Variants in FBXW2 observed in about 807,000 individuals in gnomAD.
FBXW2 encodes the protein F-box and WD repeat domain containing 2.
In FBXW2, 12 loss-of-function variants were observed where a neutral mutation model predicts 46.0. The ratio of observed to expected loss-of-function variants is 0.26; its 90% CI spans 0.17 to 0.42. FBXW2 has a LOEUF of 0.42. FBXW2 is among the 10% of genes least tolerant of loss of function. The pLI is 1.00. For synonymous variants in FBXW2, 203 were observed against 209.6 expected, an observed-to-expected ratio of 0.97 and a Z score of 0.27; for missense variants, 360 against 537.0, an observed-to-expected ratio of 0.67 and a Z score of 3.26.
intron 3 of FBXW2, among the ~76,000 whole-genome samples, 182 bp downstream of exon 3, chr9:120,787,587 T>C (rs1232496050): frequency 6.6e-6 from 1 of 152,084 alleles, no homozygotes; most frequent in East Asian, 1.9e-4. Context: ...ATAAAAATGA[T>C]TGTGTTCTCT....
chr9:120,786,937 C>T (rs1363838241), intron 3 of FBXW2, among the ~76,000 whole-genome samples: 1 of 152,182 alleles, frequency 6.6e-6, no homozygotes, highest in Non-Finnish European at 1.5e-5. Flanking sequence ...ATATCCAGCT[C>T]TCTCTGTTCC....
chr9:120,784,693 G>A (rs900915526), intron 3 of FBXW2, among the ~76,000 whole-genome samples: 1 of 151,936 alleles, frequency 6.6e-6, no homozygotes, highest in Non-Finnish European at 1.5e-5. Flanking sequence ...GCCGAGGCAG[G>A]CAGATCATCT....
intron 2 of FBXW2, among the ~76,000 whole-genome samples, chr9:120,788,751 G>A (rs1184586188): frequency 6.6e-6 from 1 of 152,160 alleles, no homozygotes; most frequent in Non-Finnish European, 1.5e-5. Context: ...ACAGTCTCCT[G>A]AGCAGTAACC....
At chr9:120,790,964 A>C (rs1448002845) in intron 2 of FBXW2, among the ~76,000 whole-genome samples, 1 of 152,070 alleles carries the variant, frequency 6.6e-6, no homozygotes, top group East Asian at 1.9e-4. Context: ...AATTTTCCCA[A>C]CTCTTAGATT....
rs548710888 is a variant in FBXW2, at chr9:120,788,550, A to T, written c.-20-272T>A. On this transcript the variant is annotated intron_variant, in intron 2 of 7. Transcript: ENST00000608872. ...TGGCGTGTGTGACTTATTCCTCTTG[A>T]AGTCTAGCACGTGCTACATGCATCT... 5.5e-3 allele frequency among the ~76,000 whole-genome samples: 841 copies of T among 152,354 alleles called. 11 individuals carry two copies. The highest frequency in any genetic ancestry group is 0.019 in the African/African-American group (793 of 41,570).
chr9:120,779,647 A>G (rs1439331212), intron 3 of FBXW2, among the ~76,000 whole-genome samples: 6 of 152,210 alleles, frequency 3.9e-5, no homozygotes, highest in Non-Finnish European at 8.8e-5. Context: ...ATGTGATACA[A>G]CTTTATCAAA....
chr9:120,788,524 C>A lies in FBXW2; in HGVS notation c.-20-246G>T, dbSNP rs1317517196. ...ATCCAAAACATGTCAGTGAAACAGA[C>A]TGGCGTGTGTGACTTATTCCTCTTG... On this transcript the variant is annotated intron_variant, in intron 2 of 7. Coordinates refer to ENST00000608872, the MANE Select transcript of FBXW2 (RefSeq NM_012164.4). Among the ~76,000 whole-genome samples, 3 of 152,238 alleles carry A rather than the reference C, an allele frequency of 2.0e-5. 1 individual carries two copies. In the South Asian group the frequency reaches 6.2e-4, roughly 31 times the overall value.
chr9:120,767,947 C>T (rs552618140), intron 7 of FBXW2, among the ~76,000 whole-genome samples: 1 of 152,322 alleles, frequency 6.6e-6, no homozygotes, highest in Admixed American at 6.5e-5. Flanking sequence ...TTCTACTGAC[C>T]TCCCCACATC....
At chr9:120,778,643 C>CCCTT in intron 3 of FBXW2, 98 bp from the exon 4 acceptor site, 1 of 1,014,214 alleles carries the variant, frequency 9.9e-7, no homozygotes, top group Non-Finnish European at 1.5e-6. Context: ...CATTAACGGT[C>CCCTT]CCTTCCTCTA....
rs1457568114 is a variant in FBXW2 at position 120,793,358 on chromosome 9, A to C, written c.-134T>G. ...GGCCCCGCCTCGCATACAGACCCGG[A>C]CCTGCGGCCGCTGCTCCCGGTCCGC... On this transcript the variant is annotated 5_prime_UTR_variant, in exon 1 of 8. Coordinates refer to ENST00000608872, the MANE Select transcript of FBXW2 (RefSeq NM_012164.4). 5.0e-6 allele frequency: 2 copies of C among 402,656 alleles called. No homozygotes were observed. Among genetic ancestry groups the C allele is most frequent in the Admixed American group, 4.4e-5 (1 of 22,804 alleles). The allele number at this position is 402,656 out of a possible 1,614,324, so 24.9% of individuals were successfully genotyped here. A position where few individuals can be genotyped will look rare whatever the true frequency, so the allele number is the denominator to read the frequency against.
chr9:120,781,675 C>CACACACACACAT (rs761941263), intron 3 of FBXW2, among the ~76,000 whole-genome samples: 31 of 146,332 alleles, frequency 2.1e-4, no homozygotes, highest in South Asian at 1.5e-3. Context: ...CACACACACA[C>CACACACACACAT]ATACACACAC....
At position 120,764,417 on chromosome 9, in the gene FBXW2, A is replaced by C; in HGVS notation, c.*142T>G. The C allele has an allele frequency of 1.0e-6, 1 of 997,356 alleles. No homozygotes were observed. The highest frequency in any genetic ancestry group is 1.5e-6 in the Non-Finnish European group (1 of 676,090). 61.8% of individuals were successfully genotyped at this position (997,356 alleles called of 1,614,324 possible). On this transcript the variant is annotated 3_prime_UTR_variant, in exon 8 of 8. Transcript: ENST00000608872. ...CCCACCCCGAGCCCTGGCCCCTGGC[A>C]AAACATAGATAAATGATTGTGCACT...
chr9:120,776,079 C>T lies in FBXW2; in HGVS notation c.819+14G>A. On this transcript the variant is annotated intron_variant, in intron 5 of 7. Transcript: ENST00000608872. ...AAGCCTGATAAGCAGGAGACTTCTTCCAAGTCTTCCTACCTTGGTGACCCA... is the reference window on the plus strand; with the variant it reads ...AAGCCTGATAAGCAGGAGACTTCTTTCAAGTCTTCCTACCTTGGTGACCCA... 6.2e-7 allele frequency: 1 copy of T among 1,612,944 alleles called. No homozygotes were observed. Among genetic ancestry groups the T allele is most frequent in the South Asian group, 1.1e-5 (1 of 90,932 alleles).
intron 7 of FBXW2, among the ~76,000 whole-genome samples, chr9:120,770,375 C>CAA (rs1196542430): frequency 0.015 from 969 of 64,532 alleles, 5 homozygotes; most frequent in East Asian, 0.03. Flanking sequence ...GACTCCATCT[C>CAA]AAAAAAAAAA....
At chr9:120,769,017 G>A (rs546294066) in intron 7 of FBXW2, among the ~76,000 whole-genome samples, 1 of 152,308 alleles carries the variant, frequency 6.6e-6, no homozygotes, top group South Asian at 2.1e-4. Flanking sequence ...TGACAGGTTT[G>A]TGGCTTTCAC....
At position 120,760,308 on chromosome 9, in the gene FBXW2, C is replaced by G. The variant is rs2044177612; in HGVS notation, c.*4251G>C. 1.3e-5 allele frequency: 2 copies of G among 152,284 alleles called. No individual in the cohort carries two copies. The highest frequency in any genetic ancestry group is 4.1e-4 in the South Asian group (2 of 4,828). 9.4% of individuals were successfully genotyped at this position (152,284 alleles called of 1,614,324 possible). A position where few individuals can be genotyped will look rare whatever the true frequency, so the allele number is the denominator to read the frequency against. On this transcript the variant is annotated 3_prime_UTR_variant, in exon 8 of 8. Coordinates refer to ENST00000608872, the MANE Select transcript of FBXW2 (RefSeq NM_012164.4). ...AGGCAAGTGGCTTCATACACCAAGG[C>G]CCAGAGGAAGAGGCACAGAAAGCTA...
At chr9:120,777,917 A>G (rs1298634340) in intron 4 of FBXW2, among the ~76,000 whole-genome samples, 1 of 152,144 alleles carries the variant, frequency 6.6e-6, no homozygotes, top group Non-Finnish European at 1.5e-5. Context: ...AGACCACACA[A>G]TCTAAGAACC....
intron 5 of FBXW2, among the ~76,000 whole-genome samples, chr9:120,773,875 A>G (rs1013965935): frequency 2.6e-5 from 4 of 152,164 alleles, no homozygotes; most frequent in South Asian, 2.1e-4. Context: ...ACTGCCTTAC[A>G]CTATATAGCT....
Position 120,788,085 on chromosome 9 carries a change from T to TTTGAGGAAGTCCCGC in FBXW2, c.159_173dup (p.Arg54_Lys58dup). 6.2e-7 allele frequency: 1 copy of TTTGAGGAAGTCCCGC among 1,613,824 alleles called. No homozygotes were observed. Among genetic ancestry groups the TTTGAGGAAGTCCCGC allele is most frequent in the Non-Finnish European group, 8.5e-7 (1 of 1,179,976 alleles). On this transcript the variant is annotated inframe_insertion, in exon 3 of 8. Transcript: ENST00000608872. ...AAAAACTGAGCTCCAGGGGAAGGAG[T>TTTGAGGAAGTCCCGC]TTGAGGAAGTCCCGCTTGAGGAGAG...
Sources: gnomAD v4.1 joint callset for allele counts (sites outside exome capture counted in the v4.1 genomes callset) on GRCh38, gnomAD v4.1.1 for gene constraint, MANE v1.5 for transcripts, NCBI Gene and HGNC (gene_info 2026-07-23, HGNC 2026-07-21) for gene names.